The following FNTA variants were observed in gnomAD, a reference collection of about 807,000 sequenced individuals.
FNTA encodes the protein protein farnesyltransferase/geranylgeranyltransferase type-1 subunit alpha.
Under a neutral mutation model 55.2 loss-of-function variants are expected in FNTA, and 27 were observed. The observed-to-expected ratio is 0.49, with a 90% CI of 0.36 to 0.67. FNTA has a LOEUF of 0.67. FNTA is among the 30% of genes least tolerant of loss of function. The pLI is 0.00. For missense variants in FNTA, 422 were observed against 464.7 expected (o/e 0.91, Z 0.85); for synonymous variants, 176 against 170.7 (o/e 1.03, Z -0.24).
chr8:43,084,266 C>G (rs1811082782), intron 7 of FNTA, among the ~76,000 whole-genome samples: 1 of 140,280 alleles, frequency 7.1e-6, no homozygotes, highest in Non-Finnish European at 1.5e-5. Flanking sequence ...GTTGCCTAGG[C>G]TGGAGGGCAG....
At chr8:43,057,827 G>A (rs539717990) in intron 1 of FNTA, among the ~76,000 whole-genome samples, 2 of 151,952 alleles carry the variant, frequency 1.3e-5, no homozygotes, top group East Asian at 3.9e-4. Context: ...GCGTGGTGGC[G>A]GGCACCTGTA....
chr8:43,072,455 G>T, intron 5 of FNTA, 148 bp downstream of exon 5: 1 of 464,372 alleles, frequency 2.2e-6, no homozygotes, highest in Non-Finnish European at 3.4e-6. Flanking sequence ...GCCATGTGTG[G>T]TGGCTCATGT....
chr8:43,081,370 G>A (rs1811023233), intron 6 of FNTA: 1 of 152,090 alleles, frequency 6.6e-6, no homozygotes, highest in South Asian at 2.1e-4. Flanking sequence ...GACTATGAGT[G>A]CATAGTCTTC....
chr8:43,070,761 C>T lies in FNTA; in HGVS notation c.506+1102C>T, dbSNP rs1369887906. On this transcript the variant is annotated intron_variant, in intron 4 of 8. Transcript: ENST00000302279. ...AGTACAGGCGATGCAAATTCTGTAT[C>T]CCAGTTAACTAATCACTTTTATTAA... Among the ~76,000 whole-genome samples the T allele has an allele frequency of 2.6e-5, 4 of 152,202 alleles. No homozygotes were observed. In the East Asian group the frequency reaches 5.8e-4, roughly 22 times the overall value.
intron 7 of FNTA, 26 bp downstream of exon 7, chr8:43,083,206 A>G (rs372660527): frequency 3.6e-5 from 52 of 1,432,636 alleles, no homozygotes; most frequent in Middle Eastern, 1.8e-4. Flanking sequence ...TGCTTTTTTT[A>G]TATATAAAAA....
intron 3 of FNTA, among the ~76,000 whole-genome samples, chr8:43,068,572 T>C (rs1172771850): frequency 6.6e-6 from 1 of 152,236 alleles, no homozygotes; most frequent in Non-Finnish European, 1.5e-5. Flanking sequence ...GTGTACTGTG[T>C]AGGGAAAGAG....
chr8:43,083,554 T>A (rs1255384565), intron 7 of FNTA, among the ~76,000 whole-genome samples: 1 of 152,232 alleles, frequency 6.6e-6, no homozygotes, highest in East Asian at 1.9e-4. Context: ...CCAACCTTTC[T>A]GTTTTCATTT....
chr8:43,067,861 A>G (rs1325390756), intron 3 of FNTA, among the ~76,000 whole-genome samples: 2 of 152,110 alleles, frequency 1.3e-5, no homozygotes. Context: ...CTGGAATTAC[A>G]GGTGTCTGCC....
chr8:43,063,747 A>G (rs10958736), intron 2 of FNTA, among the ~76,000 whole-genome samples: 112,656 of 152,060 alleles, frequency 0.74, 44,002 homozygotes, highest in Non-Finnish European at 0.87. Context: ...CATATTTTTC[A>G]GTTAAAAATC....
At position 43,069,610 on chromosome 8, in the gene FNTA, A is replaced by G. The variant is rs1219920476; in HGVS notation, c.457A>G (p.Asn153Asp). Residue 153 changes from asparagine to aspartate, a missense_variant, in exon 4 of 9, where the codon AAC becomes GAC. Asn to Asp is a conservative substitution (Grantham distance 23). This residue lies in a region of FNTA where 262 missense variants were observed against 343.1 expected (regional missense o/e 0.76). Transcript: ENST00000302279. ...SLQKDLHEEM[N>D]YITAIIEEQP... ...TCAGAAGGATCTACATGAGGAAATG[A>G]ACTACATCACTGCAATAATTGAGGA... The G allele has an allele frequency of 6.2e-7, 1 of 1,613,770 alleles. No homozygotes were observed. Among genetic ancestry groups the G allele is most frequent in the Non-Finnish European group, 8.5e-7 (1 of 1,179,710 alleles).
intron 5 of FNTA, among the ~76,000 whole-genome samples, 184 bp downstream of exon 5, chr8:43,072,491 C>T (rs1294359418): frequency 1.3e-5 from 2 of 151,964 alleles, no homozygotes; most frequent in Non-Finnish European, 2.9e-5. Context: ...TTTGGGAGGC[C>T]AAGGCAGGAG....
intron 4 of FNTA, 78 bp from the exon 5 acceptor site, chr8:43,072,103 C>T: frequency 8.7e-7 from 1 of 1,155,778 alleles, no homozygotes; most frequent in East Asian, 2.8e-5. Flanking sequence ...TTTCATGTCA[C>T]CTTTACAACA....
Position 43,056,361 on chromosome 8 carries a change from G to GGGGGTCGGGGAGGCTGCGCAAGGGGGC in FNTA, c.17_43dup (p.Gly6_Gly14dup). On this transcript the variant is annotated inframe_insertion, in exon 1 of 9. Transcript: ENST00000302279. Reference sequence around the variant, plus strand: ...ACCGAGGCGAGATGGCGGCCACCGAGGGGGTCGGGGAGGCTGCGCAAGGGG... The same window carrying GGGGGTCGGGGAGGCTGCGCAAGGGGGC: ...ACCGAGGCGAGATGGCGGCCACCGAGGGGGTCGGGGAGGCTGCGCAAGGGGGCGGGGTCGGGGAGGCTGCGCAAGGGG... 7.0e-7 allele frequency: 1 copy of GGGGGTCGGGGAGGCTGCGCAAGGGGGC among 1,430,340 alleles called. No homozygotes were observed. 88.6% of individuals were successfully genotyped at this position (1,430,340 alleles called of 1,614,324 possible). A position where few individuals can be genotyped will look rare whatever the true frequency, so the allele number is the denominator to read the frequency against.
At chr8:43,076,411 A>G (rs1276045911) in intron 5 of FNTA, among the ~76,000 whole-genome samples, 1 of 152,076 alleles carries the variant, frequency 6.6e-6, no homozygotes, top group Non-Finnish European at 1.5e-5. Flanking sequence ...TCCTGGCCTC[A>G]AGTGACCTTT....
intron 1 of FNTA, among the ~76,000 whole-genome samples, chr8:43,057,935 G>C (rs1332600316): frequency 6.9e-6 from 1 of 143,886 alleles, no homozygotes; most frequent in Non-Finnish European, 1.5e-5. Context: ...CCACAGCCTG[G>C]ACAAGAGCGT....
At chr8:43,067,505 A>G (rs187421294) in intron 3 of FNTA, among the ~76,000 whole-genome samples, 24 of 152,228 alleles carry the variant, frequency 1.6e-4, no homozygotes, top group African/African-American at 5.8e-4. Context: ...TGGAATTCTC[A>G]GTGTGTTTCA....
At chr8:43,079,299 A>G in intron 6 of FNTA, 1 of 173,326 alleles carries the variant, frequency 5.8e-6, no homozygotes, top group South Asian at 1.7e-4. Context: ...ACTGCTTCAA[A>G]GCTTCACACA....
At chr8:43,075,105 A>T (rs940640374) in intron 5 of FNTA, among the ~76,000 whole-genome samples, 1 of 152,206 alleles carries the variant, frequency 6.6e-6, no homozygotes, top group Non-Finnish European at 1.5e-5. Flanking sequence ...ACATATGTAT[A>T]GAAAACACTA....
At chr8:43,074,675 T>C (rs898924459) in intron 5 of FNTA, among the ~76,000 whole-genome samples, 1 of 152,212 alleles carries the variant, frequency 6.6e-6, no homozygotes, top group Non-Finnish European at 1.5e-5. Context: ...GGTTTCATAC[T>C]GTATGGCTCC....
Sources: allele counts gnomAD v4.1 joint callset (sites outside exome capture counted in the v4.1 genomes callset), GRCh38; gene constraint gnomAD v4.1.1; regional missense constraint gnomAD v4.1.1; transcripts MANE v1.5; gene names NCBI Gene and HGNC (gene_info 2026-07-23, HGNC 2026-07-21).